Variants in DLGAP1 observed in about 807,000 individuals in gnomAD.
DLGAP1 encodes DLG associated protein 1.
DLGAP1 carries 11 observed loss-of-function variants against 90.8 expected under a neutral mutation model. The observed-to-expected ratio is 0.12, with a 90% CI of 0.08 to 0.20. The LOEUF is 0.20. Ranked by LOEUF, DLGAP1 falls within the 10% of genes least tolerant of loss-of-function variation. DLGAP1 has a pLI of 1.00. For missense variants in DLGAP1, 1,050 were observed against 1,333.8 expected, an observed-to-expected ratio of 0.79 and a Z score of 3.31; for synonymous variants, 558 against 540.7, an observed-to-expected ratio of 1.03 and a Z score of -0.44.
chr18:3,564,337 T>A (rs913159691), intron 9 of DLGAP1, among the ~76,000 whole-genome samples: 1 of 152,100 alleles, frequency 6.6e-6, no homozygotes, highest in African/African-American at 2.4e-5. Context: ...TGGGATAAGG[T>A]GCCTGAAGGG....
At chr18:3,939,249 T>C (rs2072711351) in intron 3 of DLGAP1, among the ~76,000 whole-genome samples, 3 of 151,172 alleles carry the variant, frequency 2.0e-5, no homozygotes, top group Non-Finnish European at 2.9e-5. Context: ...TGAAATCCTG[T>C]CTCTATTAAA....
chr18:4,045,711 T>A (rs1051758648), intron 2 of DLGAP1, among the ~76,000 whole-genome samples: 2 of 151,874 alleles, frequency 1.3e-5, no homozygotes, highest in African/African-American at 2.4e-5. Context: ...TTAATTAGAT[T>A]TTTTTTGTTG....
chr18:4,353,438 G>A (rs771791964), intron 1 of DLGAP1, among the ~76,000 whole-genome samples: 5 of 152,244 alleles, frequency 3.3e-5, no homozygotes, highest in East Asian at 1.9e-4. Flanking sequence ...ACCAAAAGAC[G>A]GGCTCCTTCC....
chr18:4,376,537 GT>G (rs1243131465), intron 1 of DLGAP1, among the ~76,000 whole-genome samples: 8 of 152,142 alleles, frequency 5.3e-5, no homozygotes, highest in Non-Finnish European at 1.0e-4. Context: ...AAGGCGTGGT[GT>G]TTATCATTTC....
In DLGAP1 at chr18:3,829,931, T is replaced by C. The variant is rs116117453; in HGVS notation, c.958-15658A>G. On this transcript the variant is annotated intron_variant, in intron 4 of 12. Coordinates refer to ENST00000315677, the MANE Select transcript of DLGAP1 (RefSeq NM_004746.4). ...GCTTCTGAGGCAGTGGGAGGGAGAC[T>C]TGATGGGCAGACAGGGCCGCTGCAG... Among the ~76,000 whole-genome samples, 691 of 152,240 alleles carry C rather than the reference T, an allele frequency of 4.5e-3. 10 individuals are homozygous for C. The highest frequency in any genetic ancestry group is 0.014 in the African/African-American group (599 of 41,528).
rs2062320384 is a variant in DLGAP1, at chr18:3,729,261, T to C, written c.1465A>G (p.Met489Val). ...GCCCGCACATAGCTGTGGCTCCGCA[T>C]GCGGAAGCAGCCGGGCATGGGCAGG... Reference protein sequence around the residue: ...LDLPMPGCFRMRSHSYVRAIE... With the variant: ...LDLPMPGCFRVRSHSYVRAIE... Residue 489 changes from methionine (M) to valine (V), a missense_variant, in exon 7 of 13, where the codon ATG (methionine) becomes GTG (valine). Around this residue, in one of 2 missense-constraint regions of DLGAP1, gnomAD observed 565 missense variants for 879.7 expected, o/e 0.64. Transcript: ENST00000315677. The surrounding 1 kb of genome is among the most constrained non-coding windows in gnomAD (Gnocchi z 6.2). 3 of 1,614,062 alleles carry C rather than the reference T, an allele frequency of 1.9e-6. No homozygotes were observed. The highest frequency in any genetic ancestry group is 2.5e-6 in the Non-Finnish European group (3 of 1,179,972).
At chr18:4,212,805 A>G (rs2077874068) in intron 1 of DLGAP1, among the ~76,000 whole-genome samples, 1 of 152,114 alleles carries the variant, frequency 6.6e-6, no homozygotes, top group Admixed American at 6.6e-5. Context: ...AAAATATCCC[A>G]TCACATAAAT....
chr18:3,996,699 T>C lies in DLGAP1; in HGVS notation c.-73+8417A>G, dbSNP rs143031263. Among the ~76,000 whole-genome samples the C allele has an allele frequency of 8.3e-3, 1,270 of 152,168 alleles. 15 individuals carry two copies. The highest frequency in any genetic ancestry group is 0.029 in the African/African-American group (1,189 of 41,578). ...AAAAAGGCTAATAGTATAGAAATCA[T>C]AACTATGTATTCCTCTATCTGAATA... On this transcript the variant is annotated intron_variant, in intron 3 of 12. Coordinates refer to ENST00000315677, the MANE Select transcript of DLGAP1 (RefSeq NM_004746.4).
chr18:3,887,978 G>A (rs944556397), intron 3 of DLGAP1, among the ~76,000 whole-genome samples: 7 of 151,552 alleles, frequency 4.6e-5, no homozygotes, highest in African/African-American at 1.5e-4. Context: ...CGTGGTGGCG[G>A]GCGCCTGTAG....
chr18:3,630,365 A>G (rs1360061459), intron 7 of DLGAP1, among the ~76,000 whole-genome samples: 1 of 152,096 alleles, frequency 6.6e-6, no homozygotes, highest in Non-Finnish European at 1.5e-5. Flanking sequence ...ACTATCCATC[A>G]GCTCTCCTGG....
chr18:3,698,309 G>T (rs991032973), intron 7 of DLGAP1, among the ~76,000 whole-genome samples: 20 of 152,306 alleles, frequency 1.3e-4, no homozygotes, highest in African/African-American at 4.8e-4. Flanking sequence ...ATATGTTTCT[G>T]CAGTGGCTGG....
intron 7 of DLGAP1, among the ~76,000 whole-genome samples, chr18:3,666,695 T>C (rs1028908971): frequency 1.3e-5 from 2 of 152,216 alleles, no homozygotes; most frequent in Admixed American, 6.5e-5. Context: ...GATGTTCAAG[T>C]AGCTCTGGAA....
At chr18:4,337,253 G>A (rs1330460815) in intron 1 of DLGAP1, among the ~76,000 whole-genome samples, 3 of 146,524 alleles carry the variant, frequency 2.0e-5, no homozygotes, top group African/African-American at 5.1e-5. Flanking sequence ...GAGTGCAGTG[G>A]CGCAATCTTG....
At chr18:3,674,309 A>ATATATATATATATATATATATATG (rs1555624007) in intron 7 of DLGAP1, among the ~76,000 whole-genome samples, 2 of 140,514 alleles carry the variant, frequency 1.4e-5, no homozygotes, top group African/African-American at 5.7e-5. Context: ...ATATATATAT[A>ATATATATATATATATATATATATG]TATGTATATT....
In DLGAP1 at chr18:3,505,435, G is replaced by A. The variant is rs557727528; in HGVS notation, c.2572-2790C>T. ...GGGAGGATCACAAGGTCAGGAGTTC[G>A]AGACCAGCCTGGCCAATATGATGAA... On this transcript the variant is annotated intron_variant, in intron 11 of 12. Coordinates refer to ENST00000315677, the MANE Select transcript of DLGAP1 (RefSeq NM_004746.4). Among the ~76,000 whole-genome samples the A allele has an allele frequency of 2.6e-3, 401 of 151,864 alleles. 6 individuals are homozygous for A. The highest frequency in any genetic ancestry group is 0.026 in the South Asian group (126 of 4,788).
intron 10 of DLGAP1, among the ~76,000 whole-genome samples, chr18:3,515,769 C>A (rs1337369894): frequency 9.4e-6 from 1 of 106,096 alleles, no homozygotes; most frequent in East Asian, 2.6e-4. Context: ...ACAGAGGAGA[C>A]CCTGTCTCAA....
chr18:4,408,123 C>G (rs2082702800), intron 1 of DLGAP1, among the ~76,000 whole-genome samples: 1 of 152,020 alleles, frequency 6.6e-6, no homozygotes, highest in African/African-American at 2.4e-5. Flanking sequence ...AAAAAAAGAA[C>G]AGTCAACTTT....
At chr18:4,104,534 A>G (rs983582879) in intron 2 of DLGAP1, among the ~76,000 whole-genome samples, 5 of 152,172 alleles carry the variant, frequency 3.3e-5, no homozygotes, top group African/African-American at 9.6e-5. Flanking sequence ...TTAAGAAATC[A>G]GGTTTTGATT....
chr18:3,502,180 G>A lies in DLGAP1; in HGVS notation c.2724+313C>T, dbSNP rs2049974927. Reference sequence around the variant, plus strand: ...TGCACTGAAGATGTCATTTATTTTAGTTTAAAAAGCAAAATGGAGGCAGTT... The same window carrying A: ...TGCACTGAAGATGTCATTTATTTTAATTTAAAAAGCAAAATGGAGGCAGTT... On this transcript the variant is annotated intron_variant, in intron 12 of 12. Transcript: ENST00000315677. 3.3e-6 allele frequency: 4 copies of A among 1,205,210 alleles called. No individual in the cohort carries two copies. In the South Asian group the frequency reaches 8.5e-5, roughly 26 times the overall value. The allele number at this position is 1,205,210 out of a possible 1,614,324, so 74.7% of individuals were successfully genotyped here.
Sources: gnomAD v4.1 joint callset for allele counts (sites outside exome capture counted in the v4.1 genomes callset) on GRCh38, gnomAD v4.1.1 for gene constraint, gnomAD v4.1.1 regional missense constraint, Gnocchi (gnomAD v3.1) non-coding constraint, MANE v1.5 for transcripts, NCBI Gene and HGNC (gene_info 2026-07-23, HGNC 2026-07-21) for gene names.